Variants in SNX18 observed in about 807,000 individuals in gnomAD.
The protein encoded by SNX18 is sorting nexin-18.
A neutral mutation model predicts 48.7 loss-of-function variants in SNX18; 35 were observed. The observed-to-expected ratio is 0.72, with a 90% CI of 0.55 to 0.95. SNX18 has a LOEUF of 0.95. SNX18 is among the 40% of genes least tolerant of loss of function. SNX18 has a pLI of 0.00. For synonymous variants in SNX18, 492 were observed against 384.7 expected, an observed-to-expected ratio of 1.28 and a Z score of -3.26; for missense variants, 824 against 871.0, an observed-to-expected ratio of 0.95 and a Z score of 0.68.
At chr5:54,639,432 T>G in the SNX18 span, among the ~76,000 whole-genome samples, 1 of 152,204 alleles carries the variant, frequency 6.6e-6, no homozygotes, top group Non-Finnish European at 1.5e-5. Flanking sequence ...AATGAACAGA[T>G]GGACAAATGA....
Position 54,519,387 on chromosome 5 carries a change from G to A in SNX18, c.1435G>A (p.Glu479Lys). Residue 479 changes from glutamate to lysine, a missense_variant, in exon 1 of 2, where the codon GAG becomes AAG. Transcript: ENST00000381410. ...QSFRGLSQAFELDQQAFSVGL... is the reference protein window; with the variant it reads ...QSFRGLSQAFKLDQQAFSVGL... ...CTTCCGCGGCCTCAGCCAGGCCTTT[G>A]AGCTGGACCAGCAGGCCTTCTCGGT... is the stretch of plus-strand genomic sequence containing the variant. The A allele has an allele frequency of 6.2e-7, 1 of 1,613,696 alleles. No homozygotes were observed. Among genetic ancestry groups the A allele is most frequent in the Non-Finnish European group, 8.5e-7 (1 of 1,179,842 alleles).
the SNX18 span, among the ~76,000 whole-genome samples, chr5:54,597,769 G>A: frequency 6.6e-6 from 1 of 152,090 alleles, no homozygotes; most frequent in African/African-American, 2.4e-5. Flanking sequence ...AGCACTAAAT[G>A]CTCACATCAA....
At chr5:54,550,588 A>T (rs1020417464), downstream of SNX18, among the ~76,000 whole-genome samples, 1 of 152,088 alleles carries the variant, frequency 6.6e-6, no homozygotes, top group African/African-American at 2.4e-5. Context: ...GCGGTAGATG[A>T]TTATTATTAT....
At chr5:54,612,593 C>T in the SNX18 span, among the ~76,000 whole-genome samples, 1 of 152,072 alleles carries the variant, frequency 6.6e-6, no homozygotes, top group African/African-American at 2.4e-5. Flanking sequence ...TGGATTTTAT[C>T]GGCATACGCA....
the SNX18 span, among the ~76,000 whole-genome samples, chr5:54,573,365 C>T: frequency 6.6e-6 from 1 of 152,090 alleles, no homozygotes; most frequent in Non-Finnish European, 1.5e-5. Flanking sequence ...TTCTTTCTTG[C>T]GCGAGATCCA....
In SNX18 at chr5:54,544,423, C is replaced by A. The variant is rs1762535222; in HGVS notation, c.*991C>A. On this transcript the variant is annotated 3_prime_UTR_variant, in exon 2 of 2. Transcript: ENST00000381410. ...TTCAGTTTTTTGAAAAAAAATGGATCTACACTGTTAACTGATTGAGACTCC... is the reference window on the plus strand; with the variant it reads ...TTCAGTTTTTTGAAAAAAAATGGATATACACTGTTAACTGATTGAGACTCC... The A allele has an allele frequency of 6.7e-6, 1 of 149,760 alleles. No individual in the cohort carries two copies. The highest frequency in any genetic ancestry group is 2.5e-5 in the African/African-American group (1 of 40,190). The allele number at this position is 149,760 out of a possible 1,614,324, so 9.3% of individuals were successfully genotyped here. A position where few individuals can be genotyped will look rare whatever the true frequency, so the allele number is the denominator to read the frequency against.
the SNX18 span, among the ~76,000 whole-genome samples, chr5:54,589,939 A>G: frequency 6.6e-6 from 1 of 152,190 alleles, no homozygotes; most frequent in Non-Finnish European, 1.5e-5. Context: ...ACAGGCACAC[A>G]CAACCATGAC....
At chr5:54,553,627 C>A in the SNX18 span, among the ~76,000 whole-genome samples, 3 of 152,174 alleles carry the variant, frequency 2.0e-5, no homozygotes, top group African/African-American at 7.2e-5. Context: ...TTTATAGATT[C>A]TTGGGGCCAC....
the SNX18 span, among the ~76,000 whole-genome samples, chr5:54,631,773 C>T: frequency 3.2e-4 from 48 of 152,290 alleles, no homozygotes; most frequent in Non-Finnish European, 5.7e-4. Flanking sequence ...CACTTATTTG[C>T]AAGGCTTTTC....
At position 54,517,772 on chromosome 5, in the gene SNX18, A is replaced by C; in HGVS notation, c.-181A>C. 2.3e-6 allele frequency: 1 copy of C among 443,168 alleles called. No individual in the cohort carries two copies. Among genetic ancestry groups the C allele is most frequent in the Non-Finnish European group, 3.5e-6 (1 of 285,178 alleles). The allele number at this position is 443,168 out of a possible 1,614,324, so 27.5% of individuals were successfully genotyped here. A position where few individuals can be genotyped will look rare whatever the true frequency, so the allele number is the denominator to read the frequency against. ...GCCCAGCGCGGCAGTCGGCGCTGCG[A>C]AGTGGAGGCGCTGCGAGCGGAGCCG... is the stretch of plus-strand genomic sequence containing the variant. On this transcript the variant is annotated 5_prime_UTR_variant, in exon 1 of 2. Coordinates refer to ENST00000381410, the MANE Select transcript of SNX18 (RefSeq NM_001102575.2).
chr5:54,518,241 T>G lies in SNX18; in HGVS notation c.289T>G (p.Phe97Val). The G allele has an allele frequency of 6.9e-7, 1 of 1,450,158 alleles. No individual in the cohort carries two copies. The highest frequency in any genetic ancestry group is 9.0e-7 in the Non-Finnish European group (1 of 1,108,524). 89.8% of individuals were successfully genotyped at this position (1,450,158 alleles called of 1,614,324 possible). ...CCTGCCTGTCGCGCCCCCCGCCTCC[T>G]TCAAGCCGCCGCCTGACGCCTTCCA... ...EPLPVAPPAS[F>V]KPPPDAFQAL... The change falls in exon 1 of 2, where the codon TTC becomes GTC. Residue 97 changes from phenylalanine (F) to valine (V), a missense_variant. Phe to Val is a conservative substitution (Grantham distance 50). Transcript: ENST00000381410.
the SNX18 span, chr5:54,644,020 C>T: frequency 1.3e-5 from 2 of 152,232 alleles, no homozygotes; most frequent in Non-Finnish European, 2.9e-5. Context: ...GCAAGAAGAA[C>T]AGCACATCTC....
chr5:54,558,395 T>C, the SNX18 span, among the ~76,000 whole-genome samples: 1 of 152,190 alleles, frequency 6.6e-6, no homozygotes, highest in African/African-American at 2.4e-5. Context: ...CCATCATTCT[T>C]TTCTCATTCT....
At chr5:54,644,179 G>C in the SNX18 span, 1 of 152,184 alleles carries the variant, frequency 6.6e-6, no homozygotes, top group Non-Finnish European at 1.5e-5. Flanking sequence ...ATAAGGCCTG[G>C]GCCAAACTAA....
rs1254035591 is a variant in SNX18 at position 54,546,100 on chromosome 5, A to G, written c.*2668A>G. ...GCACCCAGGATGAGGGAACGCATTC[A>G]AAAGTGAAATGTAAAGCCAGTGCAC... On this transcript the variant is annotated 3_prime_UTR_variant, in exon 2 of 2. Transcript: ENST00000381410. 1 of 152,214 alleles carries G rather than the reference A, an allele frequency of 6.6e-6. No individual in the cohort carries two copies. The highest frequency in any genetic ancestry group is 1.5e-5 in the Non-Finnish European group (1 of 68,040). 9.4% of individuals were successfully genotyped at this position (152,214 alleles called of 1,614,324 possible). A position where few individuals can be genotyped will look rare whatever the true frequency, so the allele number is the denominator to read the frequency against.
At chr5:54,610,862 C>T in the SNX18 span, among the ~76,000 whole-genome samples, 1 of 152,166 alleles carries the variant, frequency 6.6e-6, no homozygotes, top group Admixed American at 6.5e-5. Flanking sequence ...AGTAGCCTGA[C>T]ATTAGTCCTT....
In SNX18 at chr5:54,543,253, A is replaced by G. The variant is rs534127468; in HGVS notation, c.1696A>G (p.Ile566Val). 6 of 1,614,226 alleles carry G rather than the reference A, an allele frequency of 3.7e-6. No individual in the cohort carries two copies. In the Admixed American group the frequency reaches 1.0e-4, roughly 27 times the overall value. Residue 566 changes from isoleucine to valine, a missense_variant, in exon 2 of 2, where the codon ATT (isoleucine) becomes GTT (valine). Coordinates refer to ENST00000381410, the MANE Select transcript of SNX18 (RefSeq NM_001102575.2). ...GKMEVQKADG[I>V]QDRCNTISFA... ...GATGGAGGTGCAGAAGGCTGACGGC[A>G]TTCAGGATCGCTGTAACACTATTTC...
chr5:54,526,500 C>T (rs1012477109), intron 1 of SNX18, among the ~76,000 whole-genome samples: 11 of 152,080 alleles, frequency 7.2e-5, no homozygotes, highest in African/African-American at 2.2e-4. Context: ...ACTTATCTGT[C>T]ACTGTGATTT....
chr5:54,537,880 A>C (rs961743497), intron 1 of SNX18, among the ~76,000 whole-genome samples: 3 of 152,242 alleles, frequency 2.0e-5, no homozygotes, highest in Non-Finnish European at 2.9e-5. Context: ...GAATGCTTTA[A>C]AAATGCTGTC....
Sources: gnomAD v4.1 joint callset for allele counts (sites outside exome capture counted in the v4.1 genomes callset) on GRCh38, gnomAD v4.1.1 for gene constraint, MANE v1.5 for transcripts, NCBI Gene and HGNC (gene_info 2026-07-23, HGNC 2026-07-21) for gene names.